Variants in AUTS2 observed in about 807,000 individuals in gnomAD.
AUTS2 encodes the protein activator of transcription and developmental regulator AUTS2.
A neutral mutation model predicts 112.4 loss-of-function variants in AUTS2; 17 were observed. That is an observed-to-expected ratio of 0.15 (90% CI 0.10 to 0.23). The LOEUF (loss-of-function observed/expected upper bound fraction) is 0.23. AUTS2 is among the 10% of genes least tolerant of loss of function. The pLI is 1.00. For synonymous variants in AUTS2, 751 were observed against 702.7 expected (o/e 1.07, Z -1.09); for missense variants, 1,510 against 1,701.6 (o/e 0.89, Z 1.98).
At position 70,790,394 on chromosome 7, in the gene AUTS2, C is replaced by T; in HGVS notation, c.3178C>T (p.Arg1060Cys). 2.5e-6 allele frequency: 4 copies of T among 1,613,610 alleles called. No individual in the cohort carries two copies. Among genetic ancestry groups the T allele is most frequent in the African/African-American group, 1.3e-5 (1 of 75,048 alleles). ...CATCAGCCCCCTCCCGGGCGGAGAG[C>T]GCTTCCCGTACCCTTCTTTCCACTG... ...MGISPLPGGE[R>C]FPYPSFHWDP... Residue 1060 changes from arginine to cysteine, a missense_variant, in exon 19 of 19, where the codon CGC (arginine) becomes TGC (cysteine). Around this residue, in one of 3 missense-constraint regions of AUTS2, gnomAD observed 788 missense variants for 797.6 expected, o/e 0.99. Transcript: ENST00000342771. The surrounding 1 kb of genome is among the most constrained non-coding windows in gnomAD (Gnocchi z 7.6).
intron 4 of AUTS2, among the ~76,000 whole-genome samples, chr7:70,368,804 G>C (rs1412323368): frequency 6.6e-6 from 1 of 152,180 alleles, no homozygotes; most frequent in Non-Finnish European, 1.5e-5. Context: ...AAATAGGGAA[G>C]GGATGGCAGT....
Position 70,766,423 on chromosome 7 carries a change from A to G in AUTS2, c.1689+89A>G, listed in dbSNP as rs1789950300. 1.3e-6 allele frequency: 2 copies of G among 1,498,664 alleles called. No homozygotes were observed. The highest frequency in any genetic ancestry group is 1.8e-6 in the Non-Finnish European group (2 of 1,098,800). 92.8% of individuals were successfully genotyped at this position (1,498,664 alleles called of 1,614,324 possible). On this transcript the variant is annotated intron_variant, in intron 9 of 18. Coordinates refer to ENST00000342771, the MANE Select transcript of AUTS2 (RefSeq NM_015570.4). This position sits in a 1 kb window ranked among gnomAD's most constrained non-coding sequence, Gnocchi z 4.8. ...TGGGACCGGGCTGGGCAGCGGGGCCACCAGAGATCGAATGGGGACTGACGG... is the reference window on the plus strand; with the variant it reads ...TGGGACCGGGCTGGGCAGCGGGGCCGCCAGAGATCGAATGGGGACTGACGG...
intron 5 of AUTS2, among the ~76,000 whole-genome samples, chr7:70,501,355 G>A (rs73704487): frequency 9.7e-4 from 148 of 152,278 alleles, no homozygotes; most frequent in African/African-American, 3.5e-3. Context: ...TGGAAACAGG[G>A]GCATTAACTG....
At chr7:70,173,097 A>T (rs1808790142) in intron 4 of AUTS2, among the ~76,000 whole-genome samples, 1 of 152,044 alleles carries the variant, frequency 6.6e-6, no homozygotes, top group East Asian at 1.9e-4. Context: ...GAGTTTGGGG[A>T]ACTTCGCACA....
chr7:69,972,050 C>T (rs573265241), intron 2 of AUTS2, among the ~76,000 whole-genome samples: 1 of 152,270 alleles, frequency 6.6e-6, no homozygotes, highest in South Asian at 2.1e-4. Flanking sequence ...CTCTTTAGTG[C>T]ACTGTATTAG....
At chr7:69,788,541 T>G (rs1438296915) in intron 1 of AUTS2, among the ~76,000 whole-genome samples, 1 of 152,168 alleles carries the variant, frequency 6.6e-6, no homozygotes, top group African/African-American at 2.4e-5. Flanking sequence ...TGAAAGTGAT[T>G]ATTCACTTTT....
intron 17 of AUTS2, among the ~76,000 whole-genome samples, chr7:70,786,605 C>G (rs1405539986): frequency 6.6e-6 from 1 of 152,152 alleles, no homozygotes; most frequent in Non-Finnish European, 1.5e-5. Context: ...ACGTTCTAAA[C>G]ATTAGTGTTT....
intron 2 of AUTS2, among the ~76,000 whole-genome samples, chr7:70,088,938 G>A (rs1584703816): frequency 6.6e-6 from 1 of 151,998 alleles, no homozygotes; most frequent in African/African-American, 2.4e-5. Context: ...TTGATATGCT[G>A]TGTTCTCATT....
At chr7:70,789,724 C>G (rs1296827586) in intron 18 of AUTS2, 24 bp from the exon 19 acceptor site, 1 of 1,599,650 alleles carries the variant, frequency 6.3e-7, no homozygotes. Flanking sequence ...CATCTGCGTC[C>G]TTGTCTTCCC....
At chr7:69,637,001 G>A (rs1397828899) in intron 1 of AUTS2, among the ~76,000 whole-genome samples, 1 of 152,040 alleles carries the variant, frequency 6.6e-6, no homozygotes, top group Non-Finnish European at 1.5e-5. Flanking sequence ...TCCTGACCTC[G>A]TGATCCACCT....
intron 4 of AUTS2, among the ~76,000 whole-genome samples, chr7:70,409,545 G>A (rs1382646215): frequency 2.0e-5 from 3 of 152,124 alleles, no homozygotes; most frequent in Non-Finnish European, 4.4e-5. Flanking sequence ...TGTCTTCCAT[G>A]AGCGATGTAG....
chr7:69,606,067 A>T (rs116250005), intron 1 of AUTS2, among the ~76,000 whole-genome samples: 76 of 152,324 alleles, frequency 5.0e-4, no homozygotes, highest in African/African-American at 1.7e-3. Flanking sequence ...ATTAGAATGT[A>T]AATGAATCCG....
intron 1 of AUTS2, among the ~76,000 whole-genome samples, chr7:69,706,641 C>T (rs902202811): frequency 6.6e-6 from 1 of 152,160 alleles, no homozygotes; most frequent in African/African-American, 2.4e-5. Flanking sequence ...TTTTTCTCCA[C>T]CTTTGTTTGT....
rs201841605 is a variant in AUTS2 at position 70,787,275 on chromosome 7, C to T, written c.2375C>T (p.Pro792Leu). 74 of 1,614,082 alleles carry T rather than the reference C, an allele frequency of 4.6e-5. No homozygotes were observed. Among genetic ancestry groups the T allele is most frequent in the Non-Finnish European group, 5.8e-5 (69 of 1,180,046 alleles). Residue 792 changes from proline to leucine, a missense_variant, in exon 18 of 19, where the codon CCC becomes CTC. Physicochemically the swap from Pro to Leu is moderately conservative, Grantham distance 98. Around this residue, in one of 3 missense-constraint regions of AUTS2, gnomAD observed 788 missense variants for 797.6 expected, o/e 0.99. Transcript: ENST00000342771. ...CAGAACTTTAGCAACCCTCACGAACCCTGGAACCGGCTGCACCGAACGCCT... is the reference window on the plus strand; with the variant it reads ...CAGAACTTTAGCAACCCTCACGAACTCTGGAACCGGCTGCACCGAACGCCT... The part of the protein sequence containing the change: ...SVQNFSNPHE[P>L]WNRLHRTPPS...
intron 2 of AUTS2, among the ~76,000 whole-genome samples, chr7:69,996,467 G>C (rs1344029775): frequency 6.6e-6 from 1 of 152,116 alleles, no homozygotes; most frequent in Non-Finnish European, 1.5e-5. Context: ...TAGAAAGCCT[G>C]GACTATAGCC....
chr7:69,654,536 G>A (rs1194082426), intron 1 of AUTS2, among the ~76,000 whole-genome samples: 2 of 152,200 alleles, frequency 1.3e-5, no homozygotes, highest in African/African-American at 2.4e-5. Context: ...TCTTCAATTT[G>A]CAGATGAGGA....
intron 2 of AUTS2, among the ~76,000 whole-genome samples, chr7:70,040,239 T>C (rs559905039): frequency 2.6e-5 from 4 of 152,286 alleles, no homozygotes; most frequent in Admixed American, 1.3e-4. Context: ...TCTAGACTCA[T>C]CCATTGTAAC....
chr7:70,571,600 A>G (rs1220234271), intron 5 of AUTS2, among the ~76,000 whole-genome samples: 2 of 152,206 alleles, frequency 1.3e-5, no homozygotes, highest in African/African-American at 2.4e-5. Flanking sequence ...ACAAAAGGTG[A>G]CTCACTCTCA....
At chr7:70,049,736 G>A (rs905480506) in intron 2 of AUTS2, among the ~76,000 whole-genome samples, 1 of 152,034 alleles carries the variant, frequency 6.6e-6, no homozygotes. Context: ...AGCCACAGTG[G>A]TTCATATCTG....
Sources: gnomAD v4.1 joint callset for allele counts (sites outside exome capture counted in the v4.1 genomes callset) on GRCh38, gnomAD v4.1.1 for gene constraint, gnomAD v4.1.1 regional missense constraint, Gnocchi (gnomAD v3.1) non-coding constraint, MANE v1.5 for transcripts, NCBI Gene and HGNC (gene_info 2026-07-23, HGNC 2026-07-21) for gene names.